The following ARHGEF10 variants were observed in gnomAD, a reference collection of about 807,000 sequenced individuals.
ARHGEF10 encodes the protein Rho guanine nucleotide exchange factor (GEF) 10.
In ARHGEF10, 140 loss-of-function variants were observed where a neutral mutation model predicts 147.4. The observed-to-expected ratio is 0.95, with a 90% CI of 0.83 to 1.09. ARHGEF10 has a LOEUF of 1.09. Among genes scored for constraint, ARHGEF10 ranks in the 50% least tolerant of loss-of-function variants. ARHGEF10 has a pLI of 0.00. For synonymous variants in ARHGEF10, 902 were observed against 695.8 expected (o/e 1.30, Z -4.67); for missense variants, 2,222 against 1,752.7 (o/e 1.27, Z -4.78).
intron 25 of ARHGEF10, among the ~76,000 whole-genome samples, chr8:1,932,211 G>A (rs1813202491): frequency 6.6e-6 from 1 of 152,206 alleles, no homozygotes; most frequent in Non-Finnish European, 1.5e-5. Flanking sequence ...GTGCTTTAAA[G>A]GGCTATGAGT....
intron 2 of ARHGEF10, among the ~76,000 whole-genome samples, chr8:1,852,154 C>T (rs1442141862): frequency 1.3e-5 from 2 of 152,202 alleles, no homozygotes; most frequent in African/African-American, 4.8e-5. Context: ...TCACACTGGC[C>T]ACCCCAAGTG....
chr8:1,913,139 G>T (rs188927367), intron 18 of ARHGEF10, among the ~76,000 whole-genome samples: 16 of 152,228 alleles, frequency 1.1e-4, no homozygotes, highest in Non-Finnish European at 4.4e-5. Flanking sequence ...AGTTGTGGGG[G>T]TGGGTGGGGA....
At chr8:1,891,111 C>CT (rs1156655147) in intron 11 of ARHGEF10, among the ~76,000 whole-genome samples, 2 of 152,174 alleles carry the variant, frequency 1.3e-5, no homozygotes, top group African/African-American at 2.4e-5. Flanking sequence ...AGCAAGGTCT[C>CT]TGTGTTGTGT....
At chr8:1,849,994 G>A (rs1201420413) in intron 2 of ARHGEF10, among the ~76,000 whole-genome samples, 30 of 78,110 alleles carry the variant, frequency 3.8e-4, no homozygotes, top group Non-Finnish European at 6.2e-4. Flanking sequence ...GGACACAGAG[G>A]GCAAATGCTG....
chr8:1,888,818 GAGT>G (rs1563236176), intron 11 of ARHGEF10, among the ~76,000 whole-genome samples: 17 of 109,730 alleles, frequency 1.5e-4, no homozygotes, highest in African/African-American at 4.0e-4. Flanking sequence ...AGTGGGGTGA[GAGT>G]TATGAGGAGA....
chr8:1,871,072 C>T (rs1426011761), intron 7 of ARHGEF10: 1 of 143,576 alleles, frequency 7.0e-6, no homozygotes, highest in Non-Finnish European at 1.5e-5. Flanking sequence ...GAGATTGTGC[C>T]ACTGCTCTCC....
rs1190066173 is a variant in ARHGEF10, at chr8:1,866,550, C to T, written c.570C>T (p.Asp190=). The part of the protein sequence containing the change: ...PTSEDQVGRE[D]SALARWAADP... The stretch of plus-strand genomic sequence containing the variant: ...GTGAAGATCAAGTCGGTCGAGAGGA[C>T]AGCGCACTTGCCCGCTGGGCCGCAG... The change falls in exon 6 of 29, where the codon GAC becomes GAT. Residue 190 remains aspartate, a synonymous_variant. Transcript: ENST00000349830. The T allele has an allele frequency of 1.9e-6, 3 of 1,610,386 alleles. No individual in the cohort carries two copies. Among genetic ancestry groups the T allele is most frequent in the East Asian group, 2.2e-5 (1 of 44,850 alleles).
chr8:1,909,495 C>G, intron 18 of ARHGEF10, 25 bp downstream of exon 18: 1 of 1,612,994 alleles, frequency 6.2e-7, no homozygotes. Flanking sequence ...CTCTCACGTT[C>G]GTGCCGTGGG....
Position 1,857,746 on chromosome 8 carries a change from C to T in ARHGEF10, c.38-214C>T, listed in dbSNP as rs1330513569. Among the ~76,000 whole-genome samples the T allele has an allele frequency of 2.6e-5, 4 of 151,882 alleles. No individual in the cohort carries two copies. In the East Asian group the frequency reaches 7.8e-4, roughly 30 times the overall value. On this transcript the variant is annotated intron_variant, in intron 2 of 28. Coordinates refer to ENST00000349830, the MANE Select transcript of ARHGEF10 (RefSeq NM_014629.4). ...TGTTTCTTCTCTGTGAGTTGTAGAT[C>T]CTATTAAAAGAAAATAAAAACCAGT...
At chr8:1,893,262 A>G (rs1189142156) in intron 11 of ARHGEF10, among the ~76,000 whole-genome samples, 4 of 152,234 alleles carry the variant, frequency 2.6e-5, no homozygotes, top group Admixed American at 2.0e-4. Flanking sequence ...TGTTGGATAC[A>G]TAAAATACAA....
chr8:1,916,105 G>C (rs1181614017), intron 18 of ARHGEF10, among the ~76,000 whole-genome samples: 1 of 152,246 alleles, frequency 6.6e-6, no homozygotes, highest in Non-Finnish European at 1.5e-5. Flanking sequence ...GACTCCCTCA[G>C]GAAAGTGCAG....
In ARHGEF10 at chr8:1,903,457, G is replaced by C. The variant is rs1031093397; in HGVS notation, c.1821+6G>C. 1 of 1,614,042 alleles carries C rather than the reference G, an allele frequency of 6.2e-7. No homozygotes were observed. Among genetic ancestry groups the C allele is most frequent in the Non-Finnish European group, 8.5e-7 (1 of 1,180,034 alleles). On this transcript the variant is annotated splice_donor_region_variant and intron_variant, in intron 16 of 28. Coordinates refer to ENST00000349830, the MANE Select transcript of ARHGEF10 (RefSeq NM_014629.4). ...ACGAAAGATACCTGAACAAGGTTGA[G>C]AGAGGTTTTCTTCAACTCTATTCCA...
In ARHGEF10 at chr8:1,888,355, T is replaced by C. The variant is rs914571066; in HGVS notation, c.1182+2648T>C. On this transcript the variant is annotated intron_variant, in intron 11 of 28. Coordinates refer to ENST00000349830, the MANE Select transcript of ARHGEF10 (RefSeq NM_014629.4). ...GACTGTGAGGAGACACTGAGTGGGG[T>C]GAGGGTTGTGAGGAGATACTGAGGT... Among the ~76,000 whole-genome samples, 138 of 127,282 alleles carry C rather than the reference T, an allele frequency of 1.1e-3. 2 individuals carry two copies. The highest frequency in any genetic ancestry group is 1.6e-3 in the Non-Finnish European group (101 of 61,378). 83.5% of individuals were successfully genotyped at this position (127,282 alleles called of 152,430 possible).
chr8:1,918,941 C>T (rs1475433580), intron 18 of ARHGEF10, among the ~76,000 whole-genome samples: 1 of 147,620 alleles, frequency 6.8e-6, no homozygotes, highest in African/African-American at 2.5e-5. Context: ...GTTGTTCTGT[C>T]AGTGATGGAG....
At chr8:1,841,487 A>C (rs1804027435) in intron 1 of ARHGEF10, among the ~76,000 whole-genome samples, 1 of 152,124 alleles carries the variant, frequency 6.6e-6, no homozygotes, top group South Asian at 2.1e-4. Context: ...TGCATTGTTA[A>C]GCTACAGAGT....
At chr8:1,929,187 A>G in intron 24 of ARHGEF10, 99 bp from the exon 25 acceptor site, 1 of 1,336,030 alleles carries the variant, frequency 7.5e-7, no homozygotes, top group East Asian at 2.4e-5. Flanking sequence ...AGGAAGGGCA[A>G]GAGGGAAGAG....
At chr8:1,866,171 C>T (rs955209306) in intron 5 of ARHGEF10, among the ~76,000 whole-genome samples, 24 of 152,172 alleles carry the variant, frequency 1.6e-4, no homozygotes, top group Admixed American at 3.3e-4. Context: ...CTCTCCCACC[C>T]AGCGTTGTGA....
intron 26 of ARHGEF10, among the ~76,000 whole-genome samples, chr8:1,938,372 C>T (rs1296485114): frequency 1.3e-5 from 2 of 152,178 alleles, no homozygotes; most frequent in South Asian, 4.1e-4. Context: ...GGAATGACTA[C>T]AGCTGCTTAA....
In ARHGEF10 at chr8:1,911,618, G is replaced by T. The variant is rs563279794; in HGVS notation, c.2143+2148G>T. On this transcript the variant is annotated intron_variant, in intron 18 of 28. Coordinates refer to ENST00000349830, the MANE Select transcript of ARHGEF10 (RefSeq NM_014629.4). ...CCGTGCTTGGTGCTGGGACTGGCAG[G>T]GCTTCTATCCCGACACGTCTGGATT... is the stretch of plus-strand genomic sequence containing the variant. 2.0e-5 allele frequency among the ~76,000 whole-genome samples: 3 copies of T among 152,294 alleles called. No individual in the cohort carries two copies. In the East Asian group the frequency reaches 5.8e-4, roughly 29 times the overall value.
Sources: allele counts gnomAD v4.1 joint callset (sites outside exome capture counted in the v4.1 genomes callset), GRCh38; gene constraint gnomAD v4.1.1; transcripts MANE v1.5; gene names NCBI Gene and HGNC (gene_info 2026-07-23, HGNC 2026-07-21).